Variants in TAFA1 observed in about 807,000 individuals in gnomAD.
The protein encoded by TAFA1 is TAFA chemokine like family member 1.
In TAFA1, 4 loss-of-function variants were observed where a neutral mutation model predicts 18.5. The observed-to-expected ratio is 0.22, with a 90% CI of 0.11 to 0.49. TAFA1 has a LOEUF of 0.49. Among genes scored for constraint, TAFA1 ranks in the 20% least tolerant of loss-of-function variants. TAFA1 has a pLI of 0.98. For synonymous variants in TAFA1, 56 were observed against 55.2 expected, an observed-to-expected ratio of 1.01 and a Z score of -0.06; for missense variants, 147 against 169.0, an observed-to-expected ratio of 0.87 and a Z score of 0.72.
intron 2 of TAFA1, among the ~76,000 whole-genome samples, chr3:68,070,317 G>A (rs1343573554): frequency 6.6e-6 from 1 of 152,218 alleles, no homozygotes; most frequent in African/African-American, 2.4e-5. Context: ...TGCACCCTCT[G>A]AAGCCACAGC....
intron 2 of TAFA1, among the ~76,000 whole-genome samples, chr3:68,306,562 C>G (rs1427478559): frequency 6.6e-6 from 1 of 152,090 alleles, no homozygotes; most frequent in Non-Finnish European, 1.5e-5. Context: ...TTTGACTGAA[C>G]AGTTTCAATT....
chr3:68,464,711 A>T (rs1053726246), intron 3 of TAFA1, among the ~76,000 whole-genome samples: 3 of 152,152 alleles, frequency 2.0e-5, no homozygotes, highest in African/African-American at 7.2e-5. Flanking sequence ...TGATTTGTTT[A>T]AAAAGTAATG....
chr3:68,369,188 C>G (rs1210103396), intron 2 of TAFA1, among the ~76,000 whole-genome samples: 3 of 118,842 alleles, frequency 2.5e-5, no homozygotes, highest in Non-Finnish European at 5.2e-5. Context: ...TTGGTGCAGG[C>G]ACACACACAC....
chr3:68,221,329 G>T (rs2066727128), intron 2 of TAFA1, among the ~76,000 whole-genome samples: 1 of 152,078 alleles, frequency 6.6e-6, no homozygotes, highest in African/African-American at 2.4e-5. Flanking sequence ...GGTCTAAAAA[G>T]GGGGGGATGG....
At chr3:68,183,955 T>C (rs778853558) in intron 2 of TAFA1, among the ~76,000 whole-genome samples, 5 of 152,202 alleles carry the variant, frequency 3.3e-5, no homozygotes, top group Non-Finnish European at 7.4e-5. Context: ...TCTTCTGTAA[T>C]GCAAAGCTAA....
intron 2 of TAFA1, among the ~76,000 whole-genome samples, chr3:68,180,375 G>C (rs552512257): frequency 6.6e-6 from 1 of 152,106 alleles, no homozygotes; most frequent in South Asian, 2.1e-4. Flanking sequence ...ATGTTGAGCT[G>C]GGTTTTCAGA....
chr3:68,513,115 G>A (rs565835648), intron 3 of TAFA1, among the ~76,000 whole-genome samples: 1 of 152,142 alleles, frequency 6.6e-6, no homozygotes, highest in East Asian at 1.9e-4. Flanking sequence ...CAATGCCCAG[G>A]TTTTTTTATG....
At chr3:68,138,665 G>A (rs1323576327) in intron 2 of TAFA1, among the ~76,000 whole-genome samples, 1 of 152,122 alleles carries the variant, frequency 6.6e-6, no homozygotes, top group Non-Finnish European at 1.5e-5. Flanking sequence ...TACTATCTTG[G>A]CCTCTGTTTC....
At chr3:68,311,817 C>G (rs540540024) in intron 2 of TAFA1, among the ~76,000 whole-genome samples, 1 of 152,218 alleles carries the variant, frequency 6.6e-6, no homozygotes, top group Non-Finnish European at 1.5e-5. Context: ...CCTCTTCTCA[C>G]AGCTCCACTA....
intron 2 of TAFA1, among the ~76,000 whole-genome samples, chr3:68,120,351 G>C (rs1421597180): frequency 6.6e-6 from 1 of 151,792 alleles, no homozygotes; most frequent in Non-Finnish European, 1.5e-5. Flanking sequence ...CTGGGTTCAA[G>C]TGATTCTCAT....
intron 2 of TAFA1, among the ~76,000 whole-genome samples, chr3:68,217,384 C>A (rs1040486927): frequency 1.3e-5 from 2 of 151,768 alleles, no homozygotes; most frequent in Admixed American, 6.6e-5. Context: ...GTTATCTGAC[C>A]AGTACTTCTC....
At chr3:68,426,497 G>A (rs527960573) in intron 3 of TAFA1, among the ~76,000 whole-genome samples, 37 of 151,886 alleles carry the variant, frequency 2.4e-4, no homozygotes, top group Non-Finnish European at 5.3e-4. Flanking sequence ...AAAATGGCTG[G>A]TAAACATGGA....
At chr3:68,302,046 T>C (rs1477847283) in intron 2 of TAFA1, among the ~76,000 whole-genome samples, 1 of 152,192 alleles carries the variant, frequency 6.6e-6, no homozygotes, top group African/African-American at 2.4e-5. Flanking sequence ...ATTTTAGCTT[T>C]TGATAAAATG....
At chr3:68,486,097 ATTTTG>A (rs66650753) in intron 3 of TAFA1, among the ~76,000 whole-genome samples, 52,918 of 98,266 alleles carry the variant, frequency 0.54, 12,114 homozygotes, top group East Asian at 0.71. Flanking sequence ...ATTTTATTTT[ATTTTG>A]TTTTATTTTA....
At chr3:68,167,300 G>C (rs1038165913) in intron 2 of TAFA1, among the ~76,000 whole-genome samples, 1 of 152,194 alleles carries the variant, frequency 6.6e-6, no homozygotes, top group African/African-American at 2.4e-5. Context: ...AAATGCGGCC[G>C]GGCGCCGTGG....
chr3:68,219,871 A>G (rs1312375865), intron 2 of TAFA1, among the ~76,000 whole-genome samples: 1 of 152,122 alleles, frequency 6.6e-6, no homozygotes, highest in East Asian at 1.9e-4. Flanking sequence ...ATGGGTACCA[A>G]GTTTGTCTCA....
rs1422937288 is a variant in TAFA1 at position 68,507,070 on chromosome 3, TAATC to T, written c.260-31680_260-31677del. Among the ~76,000 whole-genome samples, 20 of 152,086 alleles carry T rather than the reference TAATC, an allele frequency of 1.3e-4. 1 individual carries two copies. The highest frequency in any genetic ancestry group is 2.2e-4 in the Non-Finnish European group (15 of 68,006). Reference sequence around the variant, plus strand: ...TCCTTCTCACCAGGGCAGACATTGATAATCAATCACAGTTCTCTTGCTCGTGAAA... The same window carrying T: ...TCCTTCTCACCAGGGCAGACATTGATAATCACAGTTCTCTTGCTCGTGAAA... On this transcript the variant is annotated intron_variant, in intron 3 of 4. Coordinates refer to ENST00000478136, the MANE Select transcript of TAFA1 (RefSeq NM_213609.4).
chr3:68,271,510 G>A (rs906086917), intron 2 of TAFA1, among the ~76,000 whole-genome samples: 1 of 152,126 alleles, frequency 6.6e-6, no homozygotes, highest in Non-Finnish European at 1.5e-5. Context: ...AAGAAAGAAT[G>A]TTGGGTGGGA....
intron 3 of TAFA1, among the ~76,000 whole-genome samples, chr3:68,524,768 T>G (rs976607858): frequency 6.6e-6 from 1 of 152,118 alleles, no homozygotes; most frequent in Non-Finnish European, 1.5e-5. Context: ...CCTCCCGGGT[T>G]CACACCATTC....
Sources: allele counts gnomAD v4.1 joint callset (sites outside exome capture counted in the v4.1 genomes callset), GRCh38; gene constraint gnomAD v4.1.1; transcripts MANE v1.5; gene names NCBI Gene and HGNC (gene_info 2026-07-23, HGNC 2026-07-21).